The following CPM variants were observed in gnomAD, a reference collection of about 807,000 sequenced individuals.
CPM encodes the protein renal carboxypeptidase.
A neutral mutation model predicts 46.4 loss-of-function variants in CPM; 35 were observed. The observed-to-expected ratio is 0.75, with a 90% confidence interval of 0.58 to 1.00. CPM has a LOEUF of 1.00. CPM is among the 50% of genes least tolerant of loss of function. The pLI is 0.00. For missense variants in CPM, 422 were observed against 530.4 expected (o/e 0.80, Z 2.01); for synonymous variants, 195 against 195.3 (o/e 1.00, Z 0.01).
At chr12:68,934,410 TATAG>T (rs1888630023), upstream of CPM, among the ~76,000 whole-genome samples, 1 of 152,200 alleles carries the variant, frequency 6.6e-6, no homozygotes, top group Non-Finnish European at 1.5e-5. Flanking sequence ...TTCTTACAGA[TATAG>T]ATACTTTTCC....
chr12:68,862,855 TA>T lies in CPM; in HGVS notation c.941-3785del, dbSNP rs575145362. Among the ~76,000 whole-genome samples the T allele has an allele frequency of 9.1e-3, 1,248 of 136,538 alleles. 5 individuals are homozygous for T. The highest frequency in any genetic ancestry group is 0.02 in the African/African-American group (738 of 37,164). The allele number at this position is 136,538 out of a possible 152,430, so 89.6% of individuals were successfully genotyped here. A position where few individuals can be genotyped will look rare whatever the true frequency, so the allele number is the denominator to read the frequency against. Reference sequence around the variant, plus strand: ...GACGCAGAGAGAGCCAACACTATATTAAAAAAAAAAAAAGGAAAATTTGAAA... The same window carrying T: ...GACGCAGAGAGAGCCAACACTATATTAAAAAAAAAAAAGGAAAATTTGAAA... On this transcript the variant is annotated intron_variant, in intron 7 of 8. Coordinates refer to ENST00000551568, the MANE Select transcript of CPM (RefSeq NM_198320.5).
chr12:68,853,091 G>T lies in CPM; in HGVS notation c.*3346C>A, dbSNP rs971533476. On this transcript the variant is annotated 3_prime_UTR_variant, in exon 9 of 9. Transcript: ENST00000551568. ...GATTGTGTTTTGTTAGTCTTTAAATGATTTTGAGTCTGATAGATAACTAAA... is the reference window on the plus strand; with the variant it reads ...GATTGTGTTTTGTTAGTCTTTAAATTATTTTGAGTCTGATAGATAACTAAA... The T allele has an allele frequency of 1.3e-5, 2 of 152,184 alleles. No homozygotes were observed. The highest frequency in any genetic ancestry group is 4.8e-5 in the African/African-American group (2 of 41,440). The allele number at this position is 152,184 out of a possible 1,614,324, so 9.4% of individuals were successfully genotyped here. A position where few individuals can be genotyped will look rare whatever the true frequency, so the allele number is the denominator to read the frequency against.
At chr12:68,844,022 T>C (rs1203509210) in intron 5 of CPM, 1 of 207,224 alleles carries the variant, frequency 4.8e-6, no homozygotes, top group East Asian at 7.4e-5. Flanking sequence ...AGCATAAATG[T>C]GATTATAAAC....
At chr12:68,955,820 G>T (rs1404322374) in intron 1 of CPM, among the ~76,000 whole-genome samples, 1 of 152,168 alleles carries the variant, frequency 6.6e-6, no homozygotes, top group East Asian at 1.9e-4. Context: ...GGTTTATACA[G>T]GCTTTAGAGG....
At chr12:68,921,426 AC>A (rs1041576261) in intron 2 of CPM, among the ~76,000 whole-genome samples, 9 of 152,144 alleles carry the variant, frequency 5.9e-5, no homozygotes, top group African/African-American at 1.4e-4. Flanking sequence ...ACAGGTGTGA[AC>A]CACCGCAACC....
At chr12:68,888,684 T>C (rs1215674781) in intron 2 of CPM, among the ~76,000 whole-genome samples, 1 of 152,246 alleles carries the variant, frequency 6.6e-6, no homozygotes, top group Non-Finnish European at 1.5e-5. Flanking sequence ...AAGTTCCTGC[T>C]ATAACAGGTG....
chr12:68,938,664 T>C (rs1347419366), intron 1 of CPM, among the ~76,000 whole-genome samples: 1 of 152,070 alleles, frequency 6.6e-6, no homozygotes, highest in East Asian at 1.9e-4. Flanking sequence ...AAATGTCAAA[T>C]GTATAATTTA....
intron 1 of CPM, among the ~76,000 whole-genome samples, chr12:68,948,413 A>G (rs1888881655): frequency 6.6e-6 from 1 of 152,088 alleles, no homozygotes; most frequent in Non-Finnish European, 1.5e-5. Context: ...ACCCCAAAAT[A>G]TTCAGGTAAT....
chr12:68,856,699 A>C lies in CPM; in HGVS notation c.1090-20T>G. 6.2e-7 allele frequency: 1 copy of C among 1,611,142 alleles called. No homozygotes were observed. The highest frequency in any genetic ancestry group is 1.3e-5 in the African/African-American group (1 of 74,934). On this transcript the variant is annotated intron_variant, in intron 8 of 8. Transcript: ENST00000551568. The stretch of plus-strand genomic sequence containing the variant: ...TGTAACCTGAGAAGAAACAAGAGAC[A>C]ATTATATGAGTGACTTAAGATGGTT...
At chr12:68,864,917 G>A (rs1435161154) in intron 7 of CPM, among the ~76,000 whole-genome samples, 1 of 152,206 alleles carries the variant, frequency 6.6e-6, no homozygotes, top group Non-Finnish European at 1.5e-5. Context: ...TTGGGACACT[G>A]AGGCAGAAGG....
Position 68,852,407 on chromosome 12 carries a change from G to A in CPM, c.*4030C>T, listed in dbSNP as rs1884740626. On this transcript the variant is annotated 3_prime_UTR_variant, in exon 9 of 9. Coordinates refer to ENST00000551568, the MANE Select transcript of CPM (RefSeq NM_198320.5). ...GTTAACTATCATCTTTCCTCCACCT[G>A]AACAAGCACCAAAAATGTAGCATCT... 1 of 152,074 alleles carries A rather than the reference G, an allele frequency of 6.6e-6. No individual in the cohort carries two copies. The highest frequency in any genetic ancestry group is 2.4e-5 in the African/African-American group (1 of 41,404). 9.4% of individuals were successfully genotyped at this position (152,074 alleles called of 1,614,324 possible).
At chr12:68,960,559 G>A (rs977873569) in intron 1 of CPM, among the ~76,000 whole-genome samples, 5 of 152,082 alleles carry the variant, frequency 3.3e-5, no homozygotes, top group South Asian at 2.1e-4. Flanking sequence ...TTACTTGTAC[G>A]ACCCTTCCCA....
chr12:68,921,164 T>C (rs764180787), intron 2 of CPM, among the ~76,000 whole-genome samples: 22 of 151,590 alleles, frequency 1.5e-4, no homozygotes, highest in Non-Finnish European at 2.7e-4. Context: ...AGACAGAGTC[T>C]TGCTCTGTCA....
At chr12:68,905,354 C>T (rs113552732) in intron 2 of CPM, among the ~76,000 whole-genome samples, 1 of 151,984 alleles carries the variant, frequency 6.6e-6, no homozygotes, top group African/African-American at 2.4e-5. Flanking sequence ...GATCTCAGCT[C>T]ACCACTGCCT....
intron 3 of CPM, 92 bp downstream of exon 3, chr12:68,885,700 C>T: frequency 5.7e-6 from 6 of 1,045,736 alleles, no homozygotes; most frequent in Non-Finnish European, 8.6e-6. Flanking sequence ...GGAGACTTCT[C>T]CAGGCTTCCT....
chr12:68,862,173 A>G (rs1196275), intron 7 of CPM, among the ~76,000 whole-genome samples: 91,070 of 137,432 alleles, frequency 0.66, 36,220 homozygotes, highest in East Asian at 0.95. Context: ...ATTTGAAGAA[A>G]TGTCTGAAAA....
intron 1 of CPM, among the ~76,000 whole-genome samples, chr12:68,961,728 A>G (rs1349824850): frequency 2.0e-5 from 3 of 149,460 alleles, no homozygotes; most frequent in Non-Finnish European, 4.5e-5. Context: ...AGCCTGGCCA[A>G]CAGGGTGAAC....
intron 2 of CPM, among the ~76,000 whole-genome samples, chr12:68,930,849 T>G (rs1888470782): frequency 6.6e-6 from 1 of 152,206 alleles, no homozygotes; most frequent in South Asian, 2.1e-4. Context: ...ATACAAAACC[T>G]TACCAAATCA....
intron 2 of CPM, chr12:68,913,755 C>T (rs1887694235): frequency 2.1e-6 from 1 of 481,388 alleles, no homozygotes; most frequent in Non-Finnish European, 4.0e-6. Flanking sequence ...GTAGTGGAAC[C>T]TTTATTCCTA....
Sources: gnomAD v4.1 joint callset for allele counts (sites outside exome capture counted in the v4.1 genomes callset) on GRCh38, gnomAD v4.1.1 for gene constraint, MANE v1.5 for transcripts, NCBI Gene and HGNC (gene_info 2026-07-23, HGNC 2026-07-21) for gene names.